PCDHGC5: variants seen among roughly 807,000 people sequenced by gnomAD.
PCDHGC5 encodes protocadherin gamma subfamily C, 5.
A neutral mutation model predicts 59.0 loss-of-function variants in PCDHGC5; 25 were observed. That is an observed-to-expected ratio of 0.42 (90% CI 0.31 to 0.59). PCDHGC5 has a LOEUF of 0.59. Ranked by LOEUF, PCDHGC5 falls within the 20% of genes least tolerant of loss-of-function variation. The probability of loss-of-function intolerance (pLI) is 0.13; values close to 1 mark genes in which losing one functional copy is unlikely to be tolerated. For missense variants in PCDHGC5, 1,067 were observed against 1,206.4 expected, an observed-to-expected ratio of 0.88 and a Z score of 1.71; for synonymous variants, 434 against 505.5, an observed-to-expected ratio of 0.86 and a Z score of 1.90.
Position 141,491,197 on chromosome 5 carries a change from G to A in PCDHGC5, c.1957G>A (p.Asp653Asn). Reference sequence around the variant, plus strand: ...GGTGGTCCTGGTGAGGGACAATGGTGACCCTTCACTCTCCTCCACAGCCAC... The same window carrying A: ...GGTGGTCCTGGTGAGGGACAATGGTAACCCTTCACTCTCCTCCACAGCCAC... ...QVVVLVRDNGDPSLSSTATVL... is the reference protein window; with the variant it reads ...QVVVLVRDNGNPSLSSTATVL... The change falls in exon 1 of 4, where the codon GAC becomes AAC. Residue 653 changes from aspartate (D) to asparagine (N), a missense_variant. Physicochemically the swap from Asp to Asn is conservative, Grantham distance 23. Coordinates refer to ENST00000252087, the MANE Select transcript of PCDHGC5 (RefSeq NM_018929.3). The surrounding 1 kb of genome is among the most constrained non-coding windows in gnomAD (Gnocchi z 6.9). 6.2e-7 allele frequency: 1 copy of A among 1,614,190 alleles called. No individual in the cohort carries two copies. The highest frequency in any genetic ancestry group is 8.5e-7 in the Non-Finnish European group (1 of 1,180,024).
intron 3 of PCDHGC5, among the ~76,000 whole-genome samples, chr5:141,508,930 T>A (rs2099873149): frequency 6.6e-6 from 1 of 151,836 alleles, no homozygotes; most frequent in African/African-American, 2.4e-5. Context: ...CTTTTGGAGT[T>A]AATTAGGGAA....
intron 3 of PCDHGC5, 88 bp from the exon 4 acceptor site, chr5:141,510,859 A>G: frequency 6.2e-7 from 1 of 1,606,096 alleles, no homozygotes; most frequent in Non-Finnish European, 8.5e-7. Context: ...GGTGCTGTAT[A>G]GGCATTCATT....
At chr5:141,503,598 CAAAAAAA>C (rs765754054) in intron 2 of PCDHGC5, among the ~76,000 whole-genome samples, 8 of 65,766 alleles carry the variant, frequency 1.2e-4, no homozygotes, top group South Asian at 1.1e-3. Context: ...GACTCCAGCT[CAAAAAAA>C]AAAAAAAAAG....
chr5:141,490,612 C>G lies in PCDHGC5; in HGVS notation c.1372C>G (p.Leu458Val), dbSNP rs1393568166. ...NDNAPRFNQQ[L>V]YTAYILENRP... is the part of the protein sequence containing the mutation. ...CAATGCACCCCGCTTCAACCAGCAG[C>G]TTTACACTGCTTACATCCTAGAAAA... Residue 458 changes from leucine to valine, a missense_variant, in exon 1 of 4, where the codon CTT (leucine) becomes GTT (valine). Coordinates refer to ENST00000252087, the MANE Select transcript of PCDHGC5 (RefSeq NM_018929.3). This position sits in a 1 kb window ranked among gnomAD's most constrained non-coding sequence, Gnocchi z 5.4. The G allele has an allele frequency of 6.2e-7, 1 of 1,614,082 alleles. No homozygotes were observed. Among genetic ancestry groups the G allele is most frequent in the Non-Finnish European group, 8.5e-7 (1 of 1,180,032 alleles).
intron 2 of PCDHGC5, among the ~76,000 whole-genome samples, chr5:141,503,458 G>A (rs948221006): frequency 2.0e-5 from 3 of 152,018 alleles, no homozygotes; most frequent in Non-Finnish European, 4.4e-5. Flanking sequence ...CGCTGGGCAT[G>A]GTGGCATGTG....
At position 141,493,026 on chromosome 5, in the gene PCDHGC5, C is replaced by G. The variant is rs73280358; in HGVS notation, c.2460+1326C>G. Reference sequence around the variant, plus strand: ...TAGGCTCTGCCAGATGCCAGGGTGCCCTTATGTGTGAGGAAACTACAATAG... The same window carrying G: ...TAGGCTCTGCCAGATGCCAGGGTGCGCTTATGTGTGAGGAAACTACAATAG... On this transcript the variant is annotated intron_variant, in intron 1 of 3. Coordinates refer to ENST00000252087, the MANE Select transcript of PCDHGC5 (RefSeq NM_018929.3). This position sits in a 1 kb window ranked among gnomAD's most constrained non-coding sequence, Gnocchi z 4.3. 0.039 allele frequency among the ~76,000 whole-genome samples: 5,923 copies of G among 152,298 alleles called. 150 individuals are homozygous for G. The highest frequency in any genetic ancestry group is 0.077 in the South Asian group (370 of 4,822).
At position 141,491,834 on chromosome 5, in the gene PCDHGC5, C is replaced by T; in HGVS notation, c.2460+134C>T. 6 of 1,473,830 alleles carry T rather than the reference C, an allele frequency of 4.1e-6. No homozygotes were observed. The highest frequency in any genetic ancestry group is 5.4e-6 in the Non-Finnish European group (6 of 1,112,366). The allele number at this position is 1,473,830 out of a possible 1,614,324, so 91.3% of individuals were successfully genotyped here. ...CGCTGGCTGCGCTCCACCCGATTCTCGGGATCATTGGACCGTTTGCGCGAA... is the reference window on the plus strand; with the variant it reads ...CGCTGGCTGCGCTCCACCCGATTCTTGGGATCATTGGACCGTTTGCGCGAA... On this transcript the variant is annotated intron_variant, in intron 1 of 3. Transcript: ENST00000252087. This position sits in a 1 kb window ranked among gnomAD's most constrained non-coding sequence, Gnocchi z 6.9.
rs2099756055 is a variant in PCDHGC5, at chr5:141,494,679, C to T, written c.2461-128C>T. The T allele has an allele frequency of 3.9e-6, 6 of 1,556,494 alleles. No homozygotes were observed. In the South Asian group the frequency reaches 4.7e-5, roughly 12 times the overall value. ...GTCTTTGGAGATGAGTCCACCCCTG[C>T]CCCCTCTTAGTCCGTTTTCTTCTCT... is the stretch of plus-strand genomic sequence containing the variant. On this transcript the variant is annotated intron_variant, in intron 1 of 3. Coordinates refer to ENST00000252087, the MANE Select transcript of PCDHGC5 (RefSeq NM_018929.3).
At chr5:141,500,446 T>C (rs2099800320) in intron 2 of PCDHGC5, among the ~76,000 whole-genome samples, 1 of 152,002 alleles carries the variant, frequency 6.6e-6, no homozygotes, top group South Asian at 2.1e-4. Context: ...CCTGACCTCG[T>C]GATCCGCCCG....
chr5:141,501,290 TAC>T (rs55762287), intron 2 of PCDHGC5, among the ~76,000 whole-genome samples: 11,544 of 136,022 alleles, frequency 0.085, 708 homozygotes, highest in East Asian at 0.37. Context: ...TATTCCCTTA[TAC>T]ACACACACAC....
In PCDHGC5 at chr5:141,490,670, C is replaced by A. The variant is rs1003577285; in HGVS notation, c.1430C>A (p.Ala477Asp). ...CCGGGCTCCCTTCTTTGCACTGTGG[C>A]TGCCTCAGATCCAGACACTGGGGAT... ...RPPGSLLCTV[A>D]ASDPDTGDNA... is the part of the protein sequence containing the mutation. Residue 477 changes from alanine to aspartate, a missense_variant, in exon 1 of 4, where the codon GCT becomes GAT. Coordinates refer to ENST00000252087, the MANE Select transcript of PCDHGC5 (RefSeq NM_018929.3). This position sits in a 1 kb window ranked among gnomAD's most constrained non-coding sequence, Gnocchi z 5.4. 4 of 1,614,194 alleles carry A rather than the reference C, an allele frequency of 2.5e-6. No homozygotes were observed. The highest frequency in any genetic ancestry group is 3.4e-6 in the Non-Finnish European group (4 of 1,179,986).
At chr5:141,502,818 C>T (rs1209481886) in intron 2 of PCDHGC5, among the ~76,000 whole-genome samples, 1 of 150,836 alleles carries the variant, frequency 6.6e-6, no homozygotes, top group Non-Finnish European at 1.5e-5. Context: ...ACTGTCTTTT[C>T]CTTGGGGAAG....
At chr5:141,501,716 A>G (rs2099810687) in intron 2 of PCDHGC5, among the ~76,000 whole-genome samples, 1 of 152,160 alleles carries the variant, frequency 6.6e-6, no homozygotes, top group African/African-American at 2.4e-5. Flanking sequence ...TAAAAAAGAC[A>G]AATATATTAC....
chr5:141,494,891 C>G, intron 2 of PCDHGC5, 26 bp downstream of exon 2: 1 of 1,614,098 alleles, frequency 6.2e-7, no homozygotes. Flanking sequence ...TCCAGCCCAC[C>G]CTCTTCTCTG....
At position 141,490,475 on chromosome 5, in the gene PCDHGC5, T is replaced by C. The variant is rs769951029; in HGVS notation, c.1235T>C (p.Leu412Ser). The change falls in exon 1 of 4, where the codon TTG becomes TCG. Residue 412 changes from leucine (L) to serine (S), a missense_variant. Physicochemically the swap from Leu to Ser is moderately radical, Grantham distance 145. Coordinates refer to ENST00000252087, the MANE Select transcript of PCDHGC5 (RefSeq NM_018929.3). This position sits in a 1 kb window ranked among gnomAD's most constrained non-coding sequence, Gnocchi z 5.4. ...NHYSLLTSQP[L>S]DREATSHYII... ...TACTCGCTGCTAACCAGCCAGCCTTTGGACCGGGAGGCCACATCCCACTAT... is the reference window on the plus strand; with the variant it reads ...TACTCGCTGCTAACCAGCCAGCCTTCGGACCGGGAGGCCACATCCCACTAT... The C allele has an allele frequency of 3.7e-6, 6 of 1,614,240 alleles. No individual in the cohort carries two copies. The highest frequency in any genetic ancestry group is 5.1e-6 in the Non-Finnish European group (6 of 1,180,038).
At chr5:141,510,408 T>C (rs1447722710) in intron 3 of PCDHGC5, among the ~76,000 whole-genome samples, 1 of 151,878 alleles carries the variant, frequency 6.6e-6, no homozygotes, top group African/African-American at 2.4e-5. Flanking sequence ...GCTAGGGGCA[T>C]GTAAAGCCAT....
rs777668071 is a variant in PCDHGC5 at position 141,491,848 on chromosome 5, C to G, written c.2460+148C>G. The G allele has an allele frequency of 3.4e-6, 5 of 1,461,482 alleles. No homozygotes were observed. The highest frequency in any genetic ancestry group is 4.5e-6 in the Non-Finnish European group (5 of 1,104,578). 90.5% of individuals were successfully genotyped at this position (1,461,482 alleles called of 1,614,324 possible). A position where few individuals can be genotyped will look rare whatever the true frequency, so the allele number is the denominator to read the frequency against. ...CACCCGATTCTCGGGATCATTGGAC[C>G]GTTTGCGCGAAACCAGAGTGGCCGA... On this transcript the variant is annotated intron_variant, in intron 1 of 3. Transcript: ENST00000252087. The surrounding 1 kb of genome is among the most constrained non-coding windows in gnomAD (Gnocchi z 6.9).
intron 2 of PCDHGC5, among the ~76,000 whole-genome samples, chr5:141,497,721 G>A (rs2099778948): frequency 6.6e-6 from 1 of 152,006 alleles, no homozygotes; most frequent in African/African-American, 2.4e-5. Flanking sequence ...TGTATTTTTA[G>A]TAGAGATGGG....
At chr5:141,496,760 G>A (rs144857340) in intron 2 of PCDHGC5, among the ~76,000 whole-genome samples, 4 of 152,108 alleles carry the variant, frequency 2.6e-5, no homozygotes, top group East Asian at 1.9e-4. Context: ...AATATTTATC[G>A]AGCATCTACT....
Sources: gnomAD v4.1 joint callset for allele counts (sites outside exome capture counted in the v4.1 genomes callset) on GRCh38, gnomAD v4.1.1 for gene constraint, Gnocchi (gnomAD v3.1) non-coding constraint, MANE v1.5 for transcripts, NCBI Gene and HGNC (gene_info 2026-07-23, HGNC 2026-07-21) for gene names.